Variants in PHF24 observed in about 807,000 individuals in gnomAD.
PHF24 encodes Galpha inhibitory interacting protein.
A neutral mutation model predicts 42.6 loss-of-function variants in PHF24; 25 were observed. The ratio of observed to expected loss-of-function variants is 0.59; its 90% CI spans 0.43 to 0.82. PHF24 has a LOEUF of 0.82. PHF24 is among the 40% of genes least tolerant of loss of function. The pLI, the probability that PHF24 is intolerant of heterozygous loss-of-function variation, is 0.00. For synonymous variants in PHF24, 185 were observed against 204.8 expected (o/e 0.90, Z 0.83); for missense variants, 470 against 538.1 (o/e 0.87, Z 1.25).
At chr9:34,719,982 A>T in the PHF24 span, among the ~76,000 whole-genome samples, 2 of 152,134 alleles carry the variant, frequency 1.3e-5, no homozygotes, top group Non-Finnish European at 2.9e-5. Context: ...GGACATATCC[A>T]TGTTTCTTCC....
At chr9:34,707,878 C>T in the PHF24 span, among the ~76,000 whole-genome samples, 14 of 152,072 alleles carry the variant, frequency 9.2e-5, no homozygotes, top group Non-Finnish European at 7.4e-5. Context: ...ATTACAGGCG[C>T]CCGCCACAAT....
the PHF24 span, among the ~76,000 whole-genome samples, chr9:34,873,641 T>A: frequency 2.0e-5 from 3 of 151,542 alleles, no homozygotes; most frequent in African/African-American, 2.4e-5. Context: ...GGTAGCGTGA[T>A]GCCTCCAGCT....
chr9:34,685,985 G>A, the PHF24 span, among the ~76,000 whole-genome samples: 76 of 152,300 alleles, frequency 5.0e-4, no homozygotes, highest in African/African-American at 1.7e-3. Context: ...CTGGGCAGGC[G>A]ACTTAACCTC....
At chr9:34,800,083 C>A in the PHF24 span, among the ~76,000 whole-genome samples, 1 of 132,998 alleles carries the variant, frequency 7.5e-6, no homozygotes, top group Non-Finnish European at 1.7e-5. Context: ...GACTTCACCA[C>A]TATGCAATAT....
At chr9:34,793,812 G>A in the PHF24 span, among the ~76,000 whole-genome samples, 2,353 of 149,560 alleles carry the variant, frequency 0.016, 51 homozygotes, top group East Asian at 0.09. Context: ...CAGCCCCCAA[G>A]CAATGATTTT....
At chr9:34,814,529 C>T in the PHF24 span, among the ~76,000 whole-genome samples, 2 of 152,154 alleles carry the variant, frequency 1.3e-5, no homozygotes, top group Non-Finnish European at 2.9e-5. Context: ...ACTGCATGTG[C>T]AGGCATCTAT....
chr9:34,754,838 T>C, the PHF24 span, among the ~76,000 whole-genome samples: 2 of 152,286 alleles, frequency 1.3e-5, no homozygotes, highest in African/African-American at 2.4e-5. Context: ...AAAGCAAATA[T>C]GGTACATACA....
At chr9:34,698,564 C>T in the PHF24 span, among the ~76,000 whole-genome samples, 1 of 152,068 alleles carries the variant, frequency 6.6e-6, no homozygotes, top group East Asian at 1.9e-4. Flanking sequence ...ATCGCGCGAT[C>T]TCGGCTCCCA....
At chr9:34,975,483 A>G (rs1382912454) in intron 3 of PHF24, among the ~76,000 whole-genome samples, 1 of 152,214 alleles carries the variant, frequency 6.6e-6, no homozygotes, top group African/African-American at 2.4e-5. Flanking sequence ...GAGGAAGAAA[A>G]TGACCTTGTA....
the PHF24 span, among the ~76,000 whole-genome samples, chr9:34,734,175 C>G: frequency 1.3e-5 from 2 of 152,214 alleles, no homozygotes; most frequent in Non-Finnish European, 2.9e-5. Flanking sequence ...GGAAAGACAT[C>G]TTGAAGGAGA....
the PHF24 span, among the ~76,000 whole-genome samples, chr9:34,937,484 C>T: frequency 6.6e-6 from 1 of 152,128 alleles, no homozygotes; most frequent in African/African-American, 2.4e-5. Flanking sequence ...ATTCCCTAAT[C>T]TCAAGTACCC....
the PHF24 span, among the ~76,000 whole-genome samples, chr9:34,692,582 G>A: frequency 2.0e-5 from 3 of 152,122 alleles, no homozygotes; most frequent in Non-Finnish European, 4.4e-5. Context: ...CAGACAGAGC[G>A]CCTAGCTTGG....
chr9:34,780,299 T>C, the PHF24 span, among the ~76,000 whole-genome samples: 2 of 23,976 alleles, frequency 8.3e-5, no homozygotes, highest in African/African-American at 1.5e-4. Flanking sequence ...TCTTTTTTTC[T>C]TTTTTTTTTT....
the PHF24 span, among the ~76,000 whole-genome samples, chr9:34,717,087 G>C: frequency 6.6e-6 from 1 of 152,208 alleles, no homozygotes; most frequent in Non-Finnish European, 1.5e-5. Context: ...AGCTCCTGGG[G>C]AGAGGGCAGA....
chr9:34,765,261 C>T, the PHF24 span, among the ~76,000 whole-genome samples: 1 of 151,934 alleles, frequency 6.6e-6, no homozygotes, highest in African/African-American at 2.4e-5. Flanking sequence ...TCCTTGTTAA[C>T]TTTCTGTCCC....
At chr9:34,729,180 G>T in the PHF24 span, 1 of 1,332,070 alleles carries the variant, frequency 7.5e-7, no homozygotes, top group Non-Finnish European at 1.0e-6. Flanking sequence ...GTAACTGAAA[G>T]TATGCTATAA....
chr9:34,740,092 C>T, the PHF24 span, among the ~76,000 whole-genome samples: 6 of 152,254 alleles, frequency 3.9e-5, no homozygotes, highest in Non-Finnish European at 5.9e-5. Flanking sequence ...TACGGAGTGC[C>T]GATTGGTGTA....
chr9:34,792,601 G>A, the PHF24 span, among the ~76,000 whole-genome samples: 1 of 152,042 alleles, frequency 6.6e-6, no homozygotes, highest in Admixed American at 6.6e-5. Flanking sequence ...AACCCGGGAG[G>A]CGAAGGTTGT....
the PHF24 span, among the ~76,000 whole-genome samples, chr9:34,860,483 A>T: frequency 6.6e-6 from 1 of 152,226 alleles, no homozygotes; most frequent in East Asian, 1.9e-4. Context: ...GAATCTATGT[A>T]TAAAGCTCTT....
Sources: allele counts gnomAD v4.1 joint callset (sites outside exome capture counted in the v4.1 genomes callset), GRCh38; gene constraint gnomAD v4.1.1; transcripts MANE v1.5; gene names NCBI Gene and HGNC (gene_info 2026-07-23, HGNC 2026-07-21).